RMND1: variants seen among roughly 807,000 people sequenced by gnomAD.
RMND1 encodes the protein required for meiotic nuclear division 1 homolog.
RMND1 carries 41 observed loss-of-function variants against 54.0 expected under a neutral mutation model. The observed-to-expected ratio is 0.76, with a 90% CI of 0.59 to 0.98. The LOEUF (loss-of-function observed/expected upper bound fraction) is 0.98, where lower values mean the gene tolerates loss of function less well. Ranked by LOEUF, RMND1 falls within the 50% of genes least tolerant of loss-of-function variation. RMND1 has a pLI of 0.00. For synonymous variants in RMND1, 183 were observed against 181.7 expected (o/e 1.01, Z -0.06); for missense variants, 457 against 532.0 (o/e 0.86, Z 1.39).
chr6:151,449,981 C>T (rs139628760), intron 1 of RMND1, among the ~76,000 whole-genome samples: 8,064 of 152,258 alleles, frequency 0.053, 306 homozygotes, highest in Non-Finnish European at 0.082. Flanking sequence ...AGTGCAGTGG[C>T]GTGATCGAGG....
At chr6:151,407,920 A>C (rs7775084) in intron 10 of RMND1, among the ~76,000 whole-genome samples, 18,213 of 151,968 alleles carry the variant, frequency 0.12, 1,157 homozygotes, top group Admixed American at 0.18. Flanking sequence ...CACACACAAA[A>C]AAAAGTCACT....
Position 151,445,594 on chromosome 6 carries a change from T to C in RMND1, c.218A>G (p.Lys73Arg). 1 of 1,614,238 alleles carries C rather than the reference T, an allele frequency of 6.2e-7. No individual in the cohort carries two copies. The highest frequency in any genetic ancestry group is 8.5e-7 in the Non-Finnish European group (1 of 1,180,042). Residue 73 changes from lysine to arginine, a missense_variant, in exon 2 of 12, where the codon AAA becomes AGA. Physicochemically the swap from Lys to Arg is conservative, Grantham distance 26. Coordinates refer to ENST00000444024, the MANE Select transcript of RMND1 (RefSeq NM_017909.4). ...AGACAGCATGCTGGTATCTGACTTT[T>C]TTTGGTTCATTTCCAGGATCTGAGA... is the stretch of plus-strand genomic sequence containing the variant. ...NKSQILEMNQ[K>R]KSDTSMLSPL...
rs1780338876 is a variant in RMND1, at chr6:151,427,544, A to G, written c.768T>C (p.Ile256=). 3.1e-6 allele frequency: 5 copies of G among 1,612,524 alleles called. No individual in the cohort carries two copies. Among genetic ancestry groups the G allele is most frequent in the Non-Finnish European group, 4.2e-6 (5 of 1,178,944 alleles). ...GTACCAGTGCGATTTCATAGGGCTG[A>G]ATTTCATGTTTTTCTAGAACTTTCA... ...HVMKVLEKHE[I]QPYEIALVHW... is the part of the protein sequence containing the mutation. The change falls in exon 6 of 12, where the codon ATT becomes ATC. Residue 256 remains isoleucine, a synonymous_variant. Transcript: ENST00000444024.
rs138900217 is a variant in RMND1 at position 151,445,483 on chromosome 6, T to C, written c.329A>G (p.Lys110Arg). 6.6e-5 allele frequency: 107 copies of C among 1,614,242 alleles called. No homozygotes were observed. In the African/African-American group the frequency reaches 1.3e-3, roughly 19 times the overall value. Reference protein sequence around the residue: ...SFGTHRRVTHKPNLLGSKWFI... With the variant: ...SFGTHRRVTHRPNLLGSKWFI... ...CCATTTAGAACCCAACAGATTTGGTTTGTGGGTCACTCTCCTGTGAGTACC... is the reference window on the plus strand; with the variant it reads ...CCATTTAGAACCCAACAGATTTGGTCTGTGGGTCACTCTCCTGTGAGTACC... The change falls in exon 2 of 12, where the codon AAA becomes AGA. Residue 110 changes from lysine to arginine, a missense_variant. By Grantham distance (26) the Lys-to-Arg change is conservative. Coordinates refer to ENST00000444024, the MANE Select transcript of RMND1 (RefSeq NM_017909.4).
At chr6:151,441,503 G>C (rs1301808777) in intron 2 of RMND1, among the ~76,000 whole-genome samples, 1 of 152,092 alleles carries the variant, frequency 6.6e-6, no homozygotes, top group Non-Finnish European at 1.5e-5. Context: ...CAGGATGGGG[G>C]GTGGTTACCA....
chr6:151,415,433 A>ATT (rs1384904918), intron 10 of RMND1, among the ~76,000 whole-genome samples: 2 of 152,178 alleles, frequency 1.3e-5, no homozygotes, highest in Non-Finnish European at 1.5e-5. Flanking sequence ...GCAACGAGAT[A>ATT]TATTAAAAAG....
chr6:151,415,044 T>A (rs1779960412), intron 10 of RMND1, among the ~76,000 whole-genome samples: 1 of 141,554 alleles, frequency 7.1e-6, no homozygotes, highest in African/African-American at 2.9e-5. Context: ...CTAAATAAAG[T>A]TCTTGAAAAA....
intron 10 of RMND1, among the ~76,000 whole-genome samples, chr6:151,408,100 AT>A (rs751615293): frequency 9.2e-5 from 14 of 152,026 alleles, no homozygotes; most frequent in Non-Finnish European, 2.9e-5. Flanking sequence ...TGGTGGGGTT[AT>A]TGGGGGATGA....
At chr6:151,436,679 C>A in intron 2 of RMND1, 125 bp from the exon 3 acceptor site, 1 of 814,436 alleles carries the variant, frequency 1.2e-6, no homozygotes, top group Non-Finnish European at 1.9e-6. Flanking sequence ...CAAACATCTC[C>A]AAGGGTGATA....
chr6:151,443,742 T>G (rs942976811), intron 2 of RMND1, among the ~76,000 whole-genome samples: 1 of 152,226 alleles, frequency 6.6e-6, no homozygotes, highest in African/African-American at 2.4e-5. Context: ...ATGAAATAAC[T>G]AACTCCTTAA....
In RMND1 at chr6:151,407,732, C is replaced by A. The variant is rs112065666; in HGVS notation, c.1201-1896G>T. ...ACCATCCTGGCTAACAGGGTAAAAC[C>A]CCATCTCTACTAAAAATACAAAAAA... On this transcript the variant is annotated intron_variant, in intron 10 of 11. Coordinates refer to ENST00000444024, the MANE Select transcript of RMND1 (RefSeq NM_017909.4). 4.1e-3 allele frequency among the ~76,000 whole-genome samples: 617 copies of A among 152,012 alleles called. 4 individuals carry two copies. Among genetic ancestry groups the A allele is most frequent in the African/African-American group, 0.012 (505 of 41,452 alleles).
At chr6:151,446,058 A>T (rs1392364137) in intron 1 of RMND1, 1 of 431,578 alleles carries the variant, frequency 2.3e-6, no homozygotes, top group East Asian at 4.0e-5. Context: ...AAAGCTACTG[A>T]CATAACAAGA....
At chr6:151,410,888 C>T (rs1779811748) in intron 10 of RMND1, among the ~76,000 whole-genome samples, 1 of 152,104 alleles carries the variant, frequency 6.6e-6, no homozygotes, top group Admixed American at 6.6e-5. Flanking sequence ...TCTTCCAGGT[C>T]TTCTACATAC....
Position 151,404,801 on chromosome 6 carries a change from GAAA to G in RMND1, c.*431_*433del, listed in dbSNP as rs914096706. Reference sequence around the variant, plus strand: ...TTTTATTCACACGATATACTGGGCTGAAAAAGATAATTTCTTGATTAAAAAAAC... The same window carrying G: ...TTTTATTCACACGATATACTGGGCTGAAGATAATTTCTTGATTAAAAAAAC... On this transcript the variant is annotated 3_prime_UTR_variant, in exon 12 of 12. Transcript: ENST00000444024. 2.0e-5 allele frequency: 3 copies of G among 153,296 alleles called. No individual in the cohort carries two copies. The highest frequency in any genetic ancestry group is 7.2e-5 in the African/African-American group (3 of 41,436). The allele number at this position is 153,296 out of a possible 1,614,324, so 9.5% of individuals were successfully genotyped here. A position where few individuals can be genotyped will look rare whatever the true frequency, so the allele number is the denominator to read the frequency against.
At chr6:151,405,345 T>C in intron 11 of RMND1, 78 bp from the exon 12 acceptor site, 1 of 1,317,560 alleles carries the variant, frequency 7.6e-7, no homozygotes, top group African/African-American at 1.5e-5. Flanking sequence ...AGATTGTGAT[T>C]AATGAGAAAT....
rs754586688 is a variant in RMND1, at chr6:151,417,417, A to C, written c.1080-18T>G. The C allele has an allele frequency of 6.6e-7, 1 of 1,519,878 alleles. No individual in the cohort carries two copies. The highest frequency in any genetic ancestry group is 1.2e-5 in the South Asian group (1 of 82,736). 94.1% of individuals were successfully genotyped at this position (1,519,878 alleles called of 1,614,324 possible). On this transcript the variant is annotated intron_variant, in intron 9 of 11. Coordinates refer to ENST00000444024, the MANE Select transcript of RMND1 (RefSeq NM_017909.4). ...TACGGTGCCTTTAAAAAGGAAAATT[A>C]TAACTTTTTATTTATCTTGAATTAA...
In RMND1 at chr6:151,427,375, CA is replaced by C. The variant is rs201656504; in HGVS notation, c.830+106del. 0.15 allele frequency: 69,018 copies of C among 459,006 alleles called. 33 individuals are homozygous for C. Among genetic ancestry groups the C allele is most frequent in the South Asian group, 0.17 (7,337 of 41,930 alleles). The allele number at this position is 459,006 out of a possible 1,614,324, so 28.4% of individuals were successfully genotyped here. On this transcript the variant is annotated intron_variant, in intron 6 of 11. Coordinates refer to ENST00000444024, the MANE Select transcript of RMND1 (RefSeq NM_017909.4). ...TGGGCGACAGAGTGAGACTCCGTCT[CA>C]AAAAAAAAAAAAAAGTTTCCATATG...
intron 2 of RMND1, 55 bp downstream of exon 2, chr6:151,445,253 G>C: frequency 6.5e-7 from 1 of 1,546,908 alleles, no homozygotes; most frequent in Non-Finnish European, 8.7e-7. Context: ...ACGCACACTG[G>C]TTTAGCATGA....
At chr6:151,422,284 G>A (rs955147765) in intron 8 of RMND1, among the ~76,000 whole-genome samples, 2 of 152,038 alleles carry the variant, frequency 1.3e-5, no homozygotes, top group African/African-American at 4.8e-5. Context: ...TATTTACATA[G>A]TATTTACATT....
Sources: gnomAD v4.1 joint callset for allele counts (sites outside exome capture counted in the v4.1 genomes callset) on GRCh38, gnomAD v4.1.1 for gene constraint, MANE v1.5 for transcripts, NCBI Gene and HGNC (gene_info 2026-07-23, HGNC 2026-07-21) for gene names.